AGAP3: variants seen among roughly 807,000 people sequenced by gnomAD.
The protein encoded by AGAP3 is ArfGAP with GTPase domain, ankyrin repeat and PH domain 3.
Under a neutral mutation model 96.9 loss-of-function variants are expected in AGAP3, and 24 were observed. The ratio of observed to expected loss-of-function variants is 0.25; its 90% confidence interval spans 0.18 to 0.35. The LOEUF (loss-of-function observed/expected upper bound fraction) is 0.35, where lower values mean the gene tolerates loss of function less well. Ranked by LOEUF, AGAP3 falls within the 10% of genes least tolerant of loss-of-function variation. AGAP3 has a pLI of 1.00. For missense variants in AGAP3, 876 were observed against 1,254.2 expected (o/e 0.70, Z 4.55); for synonymous variants, 563 against 536.1 (o/e 1.05, Z -0.69).
chr7:151,127,551 T>C (rs1800229592), intron 9 of AGAP3, among the ~76,000 whole-genome samples: 1 of 152,124 alleles, frequency 6.6e-6, no homozygotes, highest in Non-Finnish European at 1.5e-5. Context: ...CCCTCTTGAG[T>C]TGGGGATTTT....
At chr7:151,092,893 CCA>C (rs1798454577) in intron 1 of AGAP3, among the ~76,000 whole-genome samples, 2 of 152,068 alleles carry the variant, frequency 1.3e-5, no homozygotes, top group South Asian at 4.2e-4. Flanking sequence ...GTCAAATGGA[CCA>C]GAGTTTAACT....
chr7:151,141,668 A>G lies in AGAP3; in HGVS notation c.1805-230A>G. 1.8e-6 allele frequency: 1 copy of G among 564,588 alleles called. No individual in the cohort carries two copies. Among genetic ancestry groups the G allele is most frequent in the Non-Finnish European group, 3.2e-6 (1 of 315,480 alleles). 35.0% of individuals were successfully genotyped at this position (564,588 alleles called of 1,614,324 possible). A position where few individuals can be genotyped will look rare whatever the true frequency, so the allele number is the denominator to read the frequency against. On this transcript the variant is annotated intron_variant, in intron 13 of 17. Transcript: ENST00000397238. The surrounding 1 kb of genome is among the most constrained non-coding windows in gnomAD (Gnocchi z 4.2). ...TTGCATCCCCCATCTGTTTTCACTT[A>G]AGCTCCACAGGTGGTTAGGAATGAG...
At chr7:151,105,057 C>T (rs952577243) in intron 1 of AGAP3, among the ~76,000 whole-genome samples, 1 of 152,260 alleles carries the variant, frequency 6.6e-6, no homozygotes, top group African/African-American at 2.4e-5. Flanking sequence ...AGAGGGCATG[C>T]GGCCAAAACA....
rs772949519 is a variant in AGAP3, at chr7:151,128,562, TC to T, written c.1222-17del. ...TAGGGGGCTGGCTCCTGGTTTCTGA[TC>T]AGACCTCTGTTCTCAGGGGATCCTG... On this transcript the variant is annotated splice_polypyrimidine_tract_variant and intron_variant, in intron 9 of 17. Coordinates refer to ENST00000397238, the MANE Select transcript of AGAP3 (RefSeq NM_031946.7). 6.2e-7 allele frequency: 1 copy of T among 1,611,932 alleles called. No homozygotes were observed. Among genetic ancestry groups the T allele is most frequent in the Non-Finnish European group, 8.5e-7 (1 of 1,178,528 alleles).
intron 1 of AGAP3, among the ~76,000 whole-genome samples, chr7:151,088,245 G>C (rs942546541): frequency 2.6e-5 from 4 of 152,236 alleles, no homozygotes; most frequent in African/African-American, 9.6e-5. Context: ...TGGGTCTGGG[G>C]GGACCCCATG....
chr7:151,138,182 A>T lies in AGAP3; in HGVS notation c.1535A>T (p.Glu512Val). 2 of 1,609,010 alleles carry T rather than the reference A, an allele frequency of 1.2e-6. No homozygotes were observed. The highest frequency in any genetic ancestry group is 1.7e-6 in the Non-Finnish European group (2 of 1,178,334). ...HSASSASLHS[E>V]RPLSSSAWAG... ...GCCAGCAGCGCATCCCTGCACTCTG[A>T]GCGCCCCCTCAGCAGCTCGGCCTGG... Residue 512 changes from glutamate (E) to valine (V), a missense_variant, in exon 12 of 18, where the codon GAG (glutamate) becomes GTG (valine). This residue lies in a region of AGAP3 where 155 missense variants were observed against 144.4 expected (regional missense o/e 1.07). Transcript: ENST00000397238.
At chr7:151,122,998 G>T (rs963496322) in intron 8 of AGAP3, 2 of 1,412,822 alleles carry the variant, frequency 1.4e-6, no homozygotes, top group Non-Finnish European at 1.8e-6. Flanking sequence ...AGGCCCGGCC[G>T]GACGCTGCAG....
At chr7:151,107,494 C>T (rs1380627978) in intron 1 of AGAP3, among the ~76,000 whole-genome samples, 1 of 151,866 alleles carries the variant, frequency 6.6e-6, no homozygotes, top group African/African-American at 2.4e-5. Flanking sequence ...GGCGAGGTGG[C>T]ACACCTGTAG....
intron 1 of AGAP3, among the ~76,000 whole-genome samples, chr7:151,101,689 TG>T (rs1798840176): frequency 6.7e-6 from 1 of 149,810 alleles, no homozygotes; most frequent in African/African-American, 2.5e-5. Flanking sequence ...GTACAGAGGC[TG>T]GGAGGAAGTG....
chr7:151,119,978 T>C lies in AGAP3; in HGVS notation c.970-9T>C, dbSNP rs1799794620. Reference sequence around the variant, plus strand: ...CGGAGCTGCCCTCAGCAGCCCTCTTTGTCCTTAGGCCACGAATGGCGGCGG... The same window carrying C: ...CGGAGCTGCCCTCAGCAGCCCTCTTCGTCCTTAGGCCACGAATGGCGGCGG... On this transcript the variant is annotated splice_polypyrimidine_tract_variant and intron_variant, in intron 7 of 17. Transcript: ENST00000397238. The C allele has an allele frequency of 4.3e-6, 7 of 1,613,270 alleles. No individual in the cohort carries two copies. Among genetic ancestry groups the C allele is most frequent in the Non-Finnish European group, 5.9e-6 (7 of 1,179,844 alleles).
At chr7:151,111,434 C>A (rs557787032) in intron 1 of AGAP3, among the ~76,000 whole-genome samples, 1 of 152,344 alleles carries the variant, frequency 6.6e-6, no homozygotes, top group East Asian at 1.9e-4. Flanking sequence ...GCAGCGGGCA[C>A]AGCCAGGGCT....
intron 1 of AGAP3, among the ~76,000 whole-genome samples, chr7:151,109,165 TAAAAAAA>T (rs112464213): frequency 2.9e-5 from 4 of 136,258 alleles, no homozygotes; most frequent in African/African-American, 1.1e-4. Context: ...CCCACCTCTG[TAAAAAAA>T]AAAAAAAACA....
At chr7:151,123,193 AGCC>A (rs1046346361) in intron 8 of AGAP3, 495 of 1,049,176 alleles carry the variant, frequency 4.7e-4, no homozygotes, top group South Asian at 2.5e-3. Flanking sequence ...CTGCTCCGGA[AGCC>A]GCCGCCGCCG....
At chr7:151,136,786 C>T (rs913562457) in intron 11 of AGAP3, among the ~76,000 whole-genome samples, 5 of 151,962 alleles carry the variant, frequency 3.3e-5, no homozygotes, top group African/African-American at 1.2e-4. Flanking sequence ...AGATTTGGAA[C>T]CTGGAAGGGA....
Position 151,144,287 on chromosome 7 carries a change from G to T in AGAP3, c.*344G>T. On this transcript the variant is annotated 3_prime_UTR_variant, in exon 18 of 18. Coordinates refer to ENST00000397238, the MANE Select transcript of AGAP3 (RefSeq NM_031946.7). Reference sequence around the variant, plus strand: ...ACGCCTTCATCCTGAAACAGGAAGAGGACGGCACCAAGTTGGGGGTGCTGG... The same window carrying T: ...ACGCCTTCATCCTGAAACAGGAAGATGACGGCACCAAGTTGGGGGTGCTGG... The T allele has an allele frequency of 3.0e-6, 1 of 328,422 alleles. No individual in the cohort carries two copies. The allele number at this position is 328,422 out of a possible 1,614,324, so 20.3% of individuals were successfully genotyped here.
Position 151,143,587 on chromosome 7 carries a change from G to A in AGAP3, c.2520G>A (p.Leu840=), listed in dbSNP as rs1023909692. 1.2e-6 allele frequency: 2 copies of A among 1,602,946 alleles called. No homozygotes were observed. Among genetic ancestry groups the A allele is most frequent in the Non-Finnish European group, 8.5e-7 (1 of 1,172,758 alleles). ...SAMANVVFTQ[L]LIWYGVDVRS... is the part of the protein sequence containing the mutation. ...TGGCCAACGTTGTCTTCACGCAGCTGCTCATCTGGGTGAGTCACGTGCCTC... is the reference window on the plus strand; with the variant it reads ...TGGCCAACGTTGTCTTCACGCAGCTACTCATCTGGGTGAGTCACGTGCCTC... Residue 840 remains leucine, a synonymous_variant, in exon 17 of 18, where the codon CTG becomes CTA. Coordinates refer to ENST00000397238, the MANE Select transcript of AGAP3 (RefSeq NM_031946.7). This position sits in a 1 kb window ranked among gnomAD's most constrained non-coding sequence, Gnocchi z 5.9.
Position 151,120,212 on chromosome 7 carries a change from C to T in AGAP3, c.1128+67C>T, listed in dbSNP as rs1216268579. ...CACAGGCAGGGCTGAGCGCCGAGCTCCCAGCCAGGAGGGGCGTGGGCAGCC... is the reference window on the plus strand; with the variant it reads ...CACAGGCAGGGCTGAGCGCCGAGCTTCCAGCCAGGAGGGGCGTGGGCAGCC... On this transcript the variant is annotated intron_variant, in intron 8 of 17. Transcript: ENST00000397238. The T allele has an allele frequency of 7.9e-6, 12 of 1,511,804 alleles. No individual in the cohort carries two copies. The East Asian group carries it at 2.7e-4, about 35-fold the overall frequency. The allele number at this position is 1,511,804 out of a possible 1,614,324, so 93.6% of individuals were successfully genotyped here.
intron 1 of AGAP3, among the ~76,000 whole-genome samples, chr7:151,107,341 G>A (rs1400096409): frequency 1.3e-5 from 2 of 150,360 alleles, no homozygotes; most frequent in Non-Finnish European, 3.0e-5. Flanking sequence ...TTTGCTTTTG[G>A]GGCCAGGCAC....
intron 1 of AGAP3, chr7:151,089,566 G>C (rs1016492878): frequency 5.3e-5 from 8 of 152,296 alleles, no homozygotes; most frequent in African/African-American, 1.9e-4. Context: ...CTGCGGTCAG[G>C]ATCCATCTGG....
Sources: allele counts gnomAD v4.1 joint callset (sites outside exome capture counted in the v4.1 genomes callset), GRCh38; gene constraint gnomAD v4.1.1; regional missense constraint gnomAD v4.1.1; non-coding constraint Gnocchi (gnomAD v3.1); transcripts MANE v1.5; gene names NCBI Gene and HGNC (gene_info 2026-07-23, HGNC 2026-07-21).